CD151: variants seen among roughly 807,000 people sequenced by gnomAD.
CD151 encodes CD151 antigen.
Under a neutral mutation model 34.2 loss-of-function variants are expected in CD151, and 20 were observed. The ratio of observed to expected loss-of-function variants is 0.58; its 90% confidence interval spans 0.41 to 0.85. The LOEUF is 0.85. CD151 is among the 40% of genes least tolerant of loss of function. The pLI is 0.00. For missense variants in CD151, 306 were observed against 324.5 expected, an observed-to-expected ratio of 0.94 and a Z score of 0.44; for synonymous variants, 157 against 131.7, an observed-to-expected ratio of 1.19 and a Z score of -1.32.
chr11:836,489 C>T, intron 4 of CD151, 47 bp downstream of exon 4: 1 of 1,410,000 alleles, frequency 7.1e-7, no homozygotes, highest in Non-Finnish European at 9.7e-7. Context: ...CAGATGGGCC[C>T]AAGGAGGTTG....
Position 836,846 on chromosome 11 carries a change from G to A in CD151, c.351+3G>A. On this transcript the variant is annotated splice_donor_region_variant and intron_variant, in intron 5 of 8. Coordinates refer to ENST00000397420, the MANE Select transcript of CD151 (RefSeq NM_004357.5). Reference sequence around the variant, plus strand: ...TCGCCTACGCCTACTACCAGCAGGTGAGGGGCCTGGGCAGGCCATTCAGAG... The same window carrying A: ...TCGCCTACGCCTACTACCAGCAGGTAAGGGGCCTGGGCAGGCCATTCAGAG... 1.2e-6 allele frequency: 2 copies of A among 1,612,444 alleles called. No individual in the cohort carries two copies. Among genetic ancestry groups the A allele is most frequent in the Non-Finnish European group, 1.7e-6 (2 of 1,179,662 alleles).
At chr11:836,590 C>T (rs573935113) in intron 4 of CD151, 148 bp downstream of exon 4, 43 of 834,492 alleles carry the variant, frequency 5.2e-5, no homozygotes, top group Non-Finnish European at 7.3e-5. Flanking sequence ...TGGGTCCCCA[C>T]GTTCCTGCTG....
chr11:836,426 G>T lies in CD151; in HGVS notation c.260G>T (p.Arg87Leu), dbSNP rs200217814. 98 of 1,608,884 alleles carry T rather than the reference G, an allele frequency of 6.1e-5. No individual in the cohort carries two copies. In the East Asian group the frequency reaches 1.3e-3, roughly 22 times the overall value. ...TGCTGCGCCACCTTCAAGGAGCGTC[G>T]GAACCTGCTGCGCCTGGTCAGGAGG... ...LGCCATFKER[R>L]NLLRLYFILL... is the part of the protein sequence containing the mutation. The change falls in exon 4 of 9, where the codon CGG (arginine) becomes CTG (leucine). Residue 87 changes from arginine (R) to leucine (L), a missense_variant. Physicochemically the swap from Arg to Leu is moderately radical, Grantham distance 102. Transcript: ENST00000397420.
chr11:833,820 C>CCCCCATCGGTG (rs1846645654), intron 1 of CD151, among the ~76,000 whole-genome samples: 2 of 24,986 alleles, frequency 8.0e-5, no homozygotes, highest in Non-Finnish European at 1.1e-4. Flanking sequence ...ACGCACACCC[C>CCCCCATCGGTG]GCCCCCCGGT....
At position 837,660 on chromosome 11, in the gene CD151, GGT is replaced by G. The variant is rs200031456; in HGVS notation, c.615+44_615+45del. 380 of 1,499,950 alleles carry G rather than the reference GGT, an allele frequency of 2.5e-4. 2 individuals carry two copies. The highest frequency in any genetic ancestry group is 7.5e-4 in the Admixed American group (38 of 50,612). 92.9% of individuals were successfully genotyped at this position (1,499,950 alleles called of 1,614,324 possible). A position where few individuals can be genotyped will look rare whatever the true frequency, so the allele number is the denominator to read the frequency against. The stretch of plus-strand genomic sequence containing the variant: ...ATCATGCCTCCAGTGTCTACGAGGT[GGT>G]GGGGGGGCACCCCAGTGACTGGCTG... On this transcript the variant is annotated intron_variant, in intron 7 of 8. Transcript: ENST00000397420.
At position 838,695 on chromosome 11, in the gene CD151, C is replaced by CTA; in HGVS notation, c.*503_*504insTA. ...ACCGCAGTCACCACCACCCGAAATG[C>CTA]CACGTGGTCACTGTGCACTGCCCTG... On this transcript the variant is annotated 3_prime_UTR_variant, in exon 9 of 9. Transcript: ENST00000397420. The CTA allele has an allele frequency of 9.9e-6, 2 of 201,646 alleles. No individual in the cohort carries two copies. The highest frequency in any genetic ancestry group is 2.0e-5 in the Non-Finnish European group (2 of 97,670). The allele number at this position is 201,646 out of a possible 1,614,324, so 12.5% of individuals were successfully genotyped here.
intron 1 of CD151, among the ~76,000 whole-genome samples, chr11:833,526 T>G (rs1324680261): frequency 2.0e-5 from 3 of 152,210 alleles, no homozygotes; most frequent in Non-Finnish European, 4.4e-5. Context: ...CAGGTCCCCC[T>G]GACTGGGGCT....
intron 7 of CD151, 100 bp downstream of exon 7, chr11:837,718 C>A: frequency 7.8e-7 from 1 of 1,276,246 alleles, no homozygotes. Flanking sequence ...CAATATCTAC[C>A]AGGAGGTGGG....
rs1223451927 is a variant in CD151, at chr11:838,458, G to A, written c.*266G>A. Reference sequence around the variant, plus strand: ...CCTGGTGGTCAGATGCAGGTTGGAAGGGGCCTTGCTGAGTGGCGCAAGGCC... The same window carrying A: ...CCTGGTGGTCAGATGCAGGTTGGAAAGGGCCTTGCTGAGTGGCGCAAGGCC... On this transcript the variant is annotated 3_prime_UTR_variant, in exon 9 of 9. Transcript: ENST00000397420. The A allele has an allele frequency of 1.7e-6, 1 of 582,736 alleles. No homozygotes were observed. The highest frequency in any genetic ancestry group is 2.9e-5 in the East Asian group (1 of 34,994). 36.1% of individuals were successfully genotyped at this position (582,736 alleles called of 1,614,324 possible).
chr11:836,027 G>A (rs563275256), intron 2 of CD151, 36 bp from the exon 3 acceptor site: 17 of 1,265,750 alleles, frequency 1.3e-5, no homozygotes, highest in Non-Finnish European at 2.0e-5. Flanking sequence ...GGGGCCCGGT[G>A]CTGTGGCCCC....
chr11:836,427 G>A lies in CD151; in HGVS notation c.261G>A (p.Arg87=). 6.2e-7 allele frequency: 1 copy of A among 1,609,104 alleles called. No homozygotes were observed. The highest frequency in any genetic ancestry group is 2.2e-5 in the East Asian group (1 of 44,882). Residue 87 remains arginine, a synonymous_variant, in exon 4 of 9, where the codon CGG becomes CGA. Transcript: ENST00000397420. ...LGCCATFKER[R]NLLRLYFILL... is the part of the protein sequence containing the mutation. Reference sequence around the variant, plus strand: ...GCTGCGCCACCTTCAAGGAGCGTCGGAACCTGCTGCGCCTGGTCAGGAGGG... The same window carrying A: ...GCTGCGCCACCTTCAAGGAGCGTCGAAACCTGCTGCGCCTGGTCAGGAGGG...
chr11:838,016 T>C lies in CD151; in HGVS notation c.690T>C (p.Ile230=). Residue 230 remains isoleucine, a synonymous_variant, in exon 8 of 9, where the codon ATT becomes ATC. Transcript: ENST00000397420. ...TCATTGGGGCTGTGGGGATCGGCATTGCCTGTGTGCAGGTGAGGGCACATG... is the reference window on the plus strand; with the variant it reads ...TCATTGGGGCTGTGGGGATCGGCATCGCCTGTGTGCAGGTGAGGGCACATG... ...LRVIGAVGIG[I]ACVQVFGMIF... is the part of the protein sequence containing the mutation. The C allele has an allele frequency of 6.2e-7, 1 of 1,613,374 alleles. No homozygotes were observed. The highest frequency in any genetic ancestry group is 8.5e-7 in the Non-Finnish European group (1 of 1,179,774).
rs912243076 is a variant in CD151 at position 834,375 on chromosome 11, A to G, written c.-69-155A>G. 5 of 152,382 alleles carry G rather than the reference A, an allele frequency of 3.3e-5. No homozygotes were observed. The East Asian group carries it at 5.8e-4, about 18-fold the overall frequency. 9.4% of individuals were successfully genotyped at this position (152,382 alleles called of 1,614,324 possible). A position where few individuals can be genotyped will look rare whatever the true frequency, so the allele number is the denominator to read the frequency against. On this transcript the variant is annotated intron_variant, in intron 1 of 8. Transcript: ENST00000397420. ...CTCCATCTCAAAAAAAGAAAAAAAGAAAAAAACAAAATGTCTTGTGCCTTG... is the reference window on the plus strand; with the variant it reads ...CTCCATCTCAAAAAAAGAAAAAAAGGAAAAAACAAAATGTCTTGTGCCTTG...
chr11:837,972 A>T lies in CD151; in HGVS notation c.646A>T (p.Ile216Phe), dbSNP rs778535154. ...GGCITKLETFIQEHLRVIGAV... is the reference protein window; with the variant it reads ...GGCITKLETFFQEHLRVIGAV... The stretch of plus-strand genomic sequence containing the variant: ...CTGCATCACCAAGTTGGAGACCTTC[A>T]TCCAGGAGCACCTGAGGGTCATTGG... The change falls in exon 8 of 9, where the codon ATC becomes TTC. Residue 216 changes from isoleucine (I) to phenylalanine (F), a missense_variant. Transcript: ENST00000397420. 6.2e-7 allele frequency: 1 copy of T among 1,613,292 alleles called. No homozygotes were observed. Among genetic ancestry groups the T allele is most frequent in the South Asian group, 1.1e-5 (1 of 91,062 alleles).
chr11:836,889 C>T (rs769034746), intron 5 of CD151, 46 bp downstream of exon 5: 27 of 1,545,032 alleles, frequency 1.7e-5, no homozygotes, highest in Middle Eastern at 1.7e-4. Flanking sequence ...CATGCACAGG[C>T]GGGGCGGACA....
intron 5 of CD151, 135 bp from the exon 6 acceptor site, chr11:837,115 C>T (rs971139643): frequency 3.4e-5 from 25 of 730,976 alleles, no homozygotes; most frequent in South Asian, 6.7e-5. Flanking sequence ...CCCCTCATGC[C>T]GAGGTGTGAC....
rs766766478 is a variant in CD151 at position 836,829 on chromosome 11, G to A, written c.337G>A (p.Ala113Thr). ...LEIIAGILAYAYYQQLNTELK... is the reference protein window; with the variant it reads ...LEIIAGILAYTYYQQLNTELK... ...GATCATCGCTGGTATCCTCGCCTAC[G>A]CCTACTACCAGCAGGTGAGGGGCCT... Residue 113 changes from alanine (A) to threonine (T), a missense_variant, in exon 5 of 9, where the codon GCC becomes ACC. Physicochemically the swap from Ala to Thr is moderately conservative, Grantham distance 58. Coordinates refer to ENST00000397420, the MANE Select transcript of CD151 (RefSeq NM_004357.5). 2.8e-5 allele frequency: 45 copies of A among 1,612,600 alleles called. No homozygotes were observed. The highest frequency in any genetic ancestry group is 4.5e-5 in the East Asian group (2 of 44,882).
At chr11:836,463 C>CGGGGT in intron 4 of CD151, 21 bp downstream of exon 4, 1 of 1,573,868 alleles carries the variant, frequency 6.4e-7, no homozygotes, top group Non-Finnish European at 8.6e-7. Flanking sequence ...CGCAGGGCCA[C>CGGGGT]GGGGTGGGGG....
At chr11:837,866 C>G (rs1846836512) in intron 7 of CD151, 76 bp from the exon 8 acceptor site, 1 of 1,219,298 alleles carries the variant, frequency 8.2e-7, no homozygotes, top group Non-Finnish European at 1.2e-6. Flanking sequence ...TGGCCACACC[C>G]TGGAGGCTGG....
Sources: gnomAD v4.1 joint callset for allele counts (sites outside exome capture counted in the v4.1 genomes callset) on GRCh38, gnomAD v4.1.1 for gene constraint, MANE v1.5 for transcripts, NCBI Gene and HGNC (gene_info 2026-07-23, HGNC 2026-07-21) for gene names.